Variants in SHISA9 observed in about 807,000 individuals in gnomAD.
SHISA9 encodes shisa family member 9, also known as protein shisa-9.
Under a neutral mutation model 38.0 loss-of-function variants are expected in SHISA9, and 13 were observed. That is an observed-to-expected ratio of 0.34 (90% CI 0.22 to 0.54). SHISA9 has a LOEUF of 0.54. SHISA9 is among the 20% of genes least tolerant of loss of function. The pLI is 0.91. For synonymous variants in SHISA9, 275 were observed against 242.0 expected, an observed-to-expected ratio of 1.14 and a Z score of -1.27; for missense variants, 538 against 575.8, an observed-to-expected ratio of 0.93 and a Z score of 0.67.
the SHISA9 span, among the ~76,000 whole-genome samples, chr16:13,501,637 C>T: frequency 6.6e-6 from 1 of 152,212 alleles, no homozygotes; most frequent in Non-Finnish European, 1.5e-5. Flanking sequence ...GACAGAACCA[C>T]ATCTGCTTTA....
the SHISA9 span, among the ~76,000 whole-genome samples, chr16:13,267,351 T>G: frequency 6.6e-6 from 1 of 152,158 alleles, no homozygotes; most frequent in African/African-American, 2.4e-5. Flanking sequence ...CAATACTATT[T>G]TCAGCTGGCA....
intron 2 of SHISA9, among the ~76,000 whole-genome samples, chr16:12,980,463 A>G (rs760957201): frequency 6.6e-6 from 1 of 152,086 alleles, no homozygotes; most frequent in African/African-American, 2.4e-5. Flanking sequence ...TGACATCAAG[A>G]TAATTTCTTT....
chr16:13,314,023 T>G, the SHISA9 span, among the ~76,000 whole-genome samples: 1 of 151,260 alleles, frequency 6.6e-6, no homozygotes, highest in Non-Finnish European at 1.5e-5. Flanking sequence ...ATTTTGCTTT[T>G]GCTCTGCTAA....
intron 2 of SHISA9, among the ~76,000 whole-genome samples, chr16:12,950,682 C>T (rs963868382): frequency 6.6e-6 from 1 of 151,264 alleles, no homozygotes; most frequent in Non-Finnish European, 1.5e-5. Flanking sequence ...GATCTCGGCT[C>T]ACTGCAACCT....
intron 2 of SHISA9, among the ~76,000 whole-genome samples, chr16:12,997,018 C>T (rs2072465101): frequency 6.6e-6 from 1 of 152,118 alleles, no homozygotes; most frequent in African/African-American, 2.4e-5. Context: ...ATGCACATAT[C>T]TTAAGTATAT....
chr16:13,190,229 C>A (rs952817853), intron 2 of SHISA9, among the ~76,000 whole-genome samples: 1 of 148,964 alleles, frequency 6.7e-6, no homozygotes, highest in African/African-American at 2.5e-5. Flanking sequence ...ATCCCTCCCC[C>A]CTCCCCCTAC....
At chr16:13,524,436 G>A in the SHISA9 span, among the ~76,000 whole-genome samples, 26 of 152,202 alleles carry the variant, frequency 1.7e-4, no homozygotes, top group African/African-American at 4.1e-4. Flanking sequence ...AGTAAGCAGC[G>A]ATTTCAAGAC....
chr16:13,321,312 C>G, the SHISA9 span, among the ~76,000 whole-genome samples: 1 of 152,200 alleles, frequency 6.6e-6, no homozygotes, highest in Admixed American at 6.5e-5. Context: ...GCATAGAACA[C>G]AGAGCCGGTG....
the SHISA9 span, among the ~76,000 whole-genome samples, chr16:13,289,398 T>A: frequency 1.4e-5 from 2 of 147,530 alleles, no homozygotes; most frequent in African/African-American, 5.0e-5. Flanking sequence ...GGTTGGGGGG[T>A]GCTGATGGGA....
chr16:12,925,568 C>G (rs903801656), intron 2 of SHISA9, among the ~76,000 whole-genome samples: 4 of 152,096 alleles, frequency 2.6e-5, no homozygotes, highest in Non-Finnish European at 5.9e-5. Flanking sequence ...TAATGCTGGC[C>G]ACATGGCATA....
In SHISA9 at chr16:12,962,113, C is replaced by T. The variant is rs578112618; in HGVS notation, c.691+45298C>T. Among the ~76,000 whole-genome samples, 35 of 152,358 alleles carry T rather than the reference C, an allele frequency of 2.3e-4. No individual in the cohort carries two copies. The South Asian group carries it at 5.4e-3, about 23-fold the overall frequency. On this transcript the variant is annotated intron_variant, in intron 2 of 4. Transcript: ENST00000558583. ...CTGCACTGGCCTGGCTTACTCCAGTCGATGCGAAGGCACTGCTGTCCACTG... is the reference window on the plus strand; with the variant it reads ...CTGCACTGGCCTGGCTTACTCCAGTTGATGCGAAGGCACTGCTGTCCACTG...
chr16:13,062,185 C>A (rs1284298033), intron 2 of SHISA9, among the ~76,000 whole-genome samples: 2 of 140,606 alleles, frequency 1.4e-5, no homozygotes, highest in Non-Finnish European at 3.0e-5. Context: ...AGGGGACTTA[C>A]GCTAAAAAAA....
intron 2 of SHISA9, among the ~76,000 whole-genome samples, chr16:12,959,007 G>A (rs1396079064): frequency 6.6e-6 from 1 of 152,168 alleles, no homozygotes; most frequent in Non-Finnish European, 1.5e-5. Flanking sequence ...ACAAGACAAT[G>A]TCAGAAAGGA....
At chr16:12,974,126 A>C (rs1028875204) in intron 2 of SHISA9, among the ~76,000 whole-genome samples, 3 of 152,150 alleles carry the variant, frequency 2.0e-5, no homozygotes, top group Non-Finnish European at 4.4e-5. Flanking sequence ...GGGACCAGGG[A>C]GTTCCAAGGT....
In SHISA9 at chr16:13,063,214, G is replaced by T. The variant is rs2073396568; in HGVS notation, c.692-140180G>T. Among the ~76,000 whole-genome samples the T allele has an allele frequency of 1.3e-5, 2 of 151,948 alleles. 1 individual carries two copies. The highest frequency in any genetic ancestry group is 4.2e-4 in the South Asian group (2 of 4,810). On this transcript the variant is annotated intron_variant, in intron 2 of 4. Transcript: ENST00000558583. ...GTTGAGACGGGATTTCACTGTGTTA[G>T]CCAGGATGGTCTTGATCTCCTGACC... is the stretch of plus-strand genomic sequence containing the variant.
the SHISA9 span, among the ~76,000 whole-genome samples, chr16:13,544,242 A>G: frequency 1.3e-5 from 2 of 148,588 alleles, no homozygotes; most frequent in East Asian, 1.9e-4. Flanking sequence ...CTATATATCT[A>G]GATATATTAT....
At chr16:13,386,873 C>CT in the SHISA9 span, among the ~76,000 whole-genome samples, 151 of 152,288 alleles carry the variant, frequency 9.9e-4, no homozygotes, top group African/African-American at 3.3e-3. Context: ...CATTTCCCTA[C>CT]TGATGGATAT....
intron 2 of SHISA9, among the ~76,000 whole-genome samples, chr16:12,959,725 G>A (rs895180425): frequency 2.0e-5 from 3 of 152,162 alleles, no homozygotes; most frequent in African/African-American, 2.4e-5. Context: ...TGCCATGCTC[G>A]AGATGACCCA....
the SHISA9 span, among the ~76,000 whole-genome samples, chr16:13,286,370 AC>A: frequency 6.6e-6 from 1 of 152,114 alleles, no homozygotes; most frequent in African/African-American, 2.4e-5. Flanking sequence ...ACAGCTTTAA[AC>A]CCGAAGTCTC....
Sources: gnomAD v4.1 joint callset for allele counts (sites outside exome capture counted in the v4.1 genomes callset) on GRCh38, gnomAD v4.1.1 for gene constraint, MANE v1.5 for transcripts, NCBI Gene and HGNC (gene_info 2026-07-23, HGNC 2026-07-21) for gene names.